The following KIAA1549L variants were observed in gnomAD, a reference collection of about 807,000 sequenced individuals.
KIAA1549L encodes KIAA1549 like, also known as UPF0606 protein KIAA1549L.
KIAA1549L carries 88 observed loss-of-function variants against 160.7 expected under a neutral mutation model. The observed-to-expected ratio is 0.55, with a 90% confidence interval of 0.46 to 0.65. The LOEUF is 0.65. KIAA1549L is among the 30% of genes least tolerant of loss of function. The pLI is 0.00. For synonymous variants in KIAA1549L, 950 were observed against 976.7 expected (o/e 0.97, Z 0.51); for missense variants, 2,258 against 2,437.5 (o/e 0.93, Z 1.55).
rs765773186 is a variant in KIAA1549L at position 33,543,378 on chromosome 11, T to A, written c.1815T>A (p.Gly605=). ...GATTTGTCTCTGATTTCAGCACCGG[T>A]AGTGTCTCATCTCCCATCATTACAG... ...VNGFVSDFST[G]SVSSPIITAP... is the part of the protein sequence containing the mutation. The change falls in exon 2 of 21, where the codon GGT becomes GGA. Residue 605 remains glycine, a synonymous_variant. Coordinates refer to ENST00000658780, the MANE Select transcript of KIAA1549L (RefSeq NM_012194.3). 2 of 1,613,934 alleles carry A rather than the reference T, an allele frequency of 1.2e-6. No individual in the cohort carries two copies. Among genetic ancestry groups the A allele is most frequent in the African/African-American group, 2.7e-5 (2 of 74,944 alleles).
chr11:33,388,132 A>T (rs575715157), intron 1 of KIAA1549L, among the ~76,000 whole-genome samples: 2 of 152,318 alleles, frequency 1.3e-5, no homozygotes, highest in South Asian at 2.1e-4. Flanking sequence ...ACTATAAAGA[A>T]CTGCCCGAGA....
At position 33,504,369 on chromosome 11, in the gene KIAA1549L, T is replaced by G. The variant is rs2133093127; in HGVS notation, c.239-37433T>G. Among the ~76,000 whole-genome samples, 4 of 152,332 alleles carry G rather than the reference T, an allele frequency of 2.6e-5. No homozygotes were observed. The Middle Eastern group carries it at 0.01, about 389-fold the overall frequency. ...GCCTACTGTGGACAGAGTAAATCAC[T>G]TTTACATGCATTATTTTATTTAATT... On this transcript the variant is annotated intron_variant, in intron 1 of 20. Transcript: ENST00000658780.
chr11:33,455,884 G>A (rs1454133928), intron 1 of KIAA1549L, among the ~76,000 whole-genome samples: 1 of 152,140 alleles, frequency 6.6e-6, no homozygotes, highest in Non-Finnish European at 1.5e-5. Flanking sequence ...AGCTTTTAGG[G>A]AGCAAAAATG....
In KIAA1549L at chr11:33,499,084, A is replaced by G. The variant is rs564158413; in HGVS notation, c.239-42718A>G. On this transcript the variant is annotated intron_variant, in intron 1 of 20. Transcript: ENST00000658780. ...TGAACCATTGCACTGAACAATTAGA[A>G]TACAAATCCCACTTGACATTCTGCT... Among the ~76,000 whole-genome samples the G allele has an allele frequency of 2.0e-5, 3 of 152,304 alleles. No homozygotes were observed. In the East Asian group the frequency reaches 5.8e-4, roughly 29 times the overall value.
In KIAA1549L at chr11:33,567,245, C is replaced by T. The variant is rs756097194; in HGVS notation, c.4079-831C>T. On this transcript the variant is annotated intron_variant, in intron 8 of 20. Coordinates refer to ENST00000658780, the MANE Select transcript of KIAA1549L (RefSeq NM_012194.3). ...GGTGTTCCCTTTACCTTCCTCACAG[C>T]AGGCAGTGTTCTAAGCTGCTTTACA... Among the ~76,000 whole-genome samples the T allele has an allele frequency of 4.2e-4, 64 of 152,214 alleles. 1 individual carries two copies. Among genetic ancestry groups the T allele is most frequent in the Non-Finnish European group, 7.1e-4 (48 of 68,036 alleles).
intron 16 of KIAA1549L, among the ~76,000 whole-genome samples, chr11:33,622,284 T>C (rs1220747457): frequency 6.6e-6 from 1 of 152,144 alleles, no homozygotes; most frequent in Non-Finnish European, 1.5e-5. Flanking sequence ...AAAAAATGAC[T>C]ATTAGGAATT....
At position 33,628,821 on chromosome 11, in the gene KIAA1549L, T is replaced by C. The variant is rs1851191888; in HGVS notation, c.5409+10159T>C. Among the ~76,000 whole-genome samples, 3 of 152,158 alleles carry C rather than the reference T, an allele frequency of 2.0e-5. No individual in the cohort carries two copies. The South Asian group carries it at 6.2e-4, about 32-fold the overall frequency. On this transcript the variant is annotated intron_variant, in intron 16 of 20. Transcript: ENST00000658780. ...ATATTGTTATGTGTGAATTTGATCC[T>C]GTCATTATGATGTTAGTTGGTTATT...
At chr11:33,420,097 T>C (rs561871578) in intron 1 of KIAA1549L, among the ~76,000 whole-genome samples, 1 of 152,294 alleles carries the variant, frequency 6.6e-6, no homozygotes, top group Admixed American at 6.5e-5. Flanking sequence ...CATCTGACAC[T>C]ATTTGTGGTA....
chr11:33,488,660 C>G (rs1161597819), intron 1 of KIAA1549L, among the ~76,000 whole-genome samples: 1 of 152,188 alleles, frequency 6.6e-6, no homozygotes, highest in African/African-American at 2.4e-5. Context: ...ACTAAGATTA[C>G]TAACCAGGAA....
chr11:33,587,875 G>A (rs1327604603), intron 11 of KIAA1549L, among the ~76,000 whole-genome samples: 3 of 152,194 alleles, frequency 2.0e-5, no homozygotes, highest in Non-Finnish European at 4.4e-5. Flanking sequence ...AGACAGGCCA[G>A]GAGTGTTGCA....
rs558357620 is a variant in KIAA1549L at position 33,568,370 on chromosome 11, A to AGGTTTTG, written c.4230+146_4230+152dup. 1.4e-3 allele frequency: 1,007 copies of AGGTTTTG among 720,644 alleles called. 32 individuals carry two copies. In the South Asian group the frequency reaches 0.023, roughly 17 times the overall value. 44.6% of individuals were successfully genotyped at this position (720,644 alleles called of 1,614,324 possible). On this transcript the variant is annotated intron_variant, in intron 9 of 20. Coordinates refer to ENST00000658780, the MANE Select transcript of KIAA1549L (RefSeq NM_012194.3). ...AAGCCATTTTATCAAGGCTGCTCTT[A>AGGTTTTG]GGTTTTGGGAACTGACGGTCATAAC... is the stretch of plus-strand genomic sequence containing the variant.
chr11:33,553,218 T>C (rs565782266), intron 6 of KIAA1549L, among the ~76,000 whole-genome samples: 2 of 152,274 alleles, frequency 1.3e-5, no homozygotes, highest in South Asian at 4.1e-4. Context: ...TAAGCTGGTC[T>C]CTAACTCCTG....
At chr11:33,576,004 C>T (rs1855435866) in intron 10 of KIAA1549L, among the ~76,000 whole-genome samples, 1 of 151,972 alleles carries the variant, frequency 6.6e-6, no homozygotes, top group African/African-American at 2.4e-5. Context: ...CAGGAAGTGG[C>T]AGGACTGGTG....
intron 1 of KIAA1549L, among the ~76,000 whole-genome samples, chr11:33,508,708 A>G (rs1427416611): frequency 6.6e-6 from 1 of 152,168 alleles, no homozygotes; most frequent in Non-Finnish European, 1.5e-5. Context: ...CAGTTGCATG[A>G]GAAGTAGGTA....
chr11:33,452,782 C>T (rs77938698), intron 1 of KIAA1549L, among the ~76,000 whole-genome samples: 7,121 of 152,192 alleles, frequency 0.047, 241 homozygotes, highest in Non-Finnish European at 0.07. Context: ...GAGGGTCCCT[C>T]GCCCCTGTGT....
intron 1 of KIAA1549L, among the ~76,000 whole-genome samples, chr11:33,378,531 G>A (rs1025424684): frequency 6.6e-6 from 1 of 152,138 alleles, no homozygotes; most frequent in Non-Finnish European, 1.5e-5. Flanking sequence ...ATGGGGATAC[G>A]GGGCTGGGAA....
chr11:33,522,797 AC>A (rs776233777), intron 1 of KIAA1549L, among the ~76,000 whole-genome samples: 1 of 151,940 alleles, frequency 6.6e-6, no homozygotes, highest in African/African-American at 2.4e-5. Context: ...TACCTGGGAG[AC>A]TGAGGCAGGA....
intron 1 of KIAA1549L, among the ~76,000 whole-genome samples, chr11:33,473,536 A>G (rs1340589729): frequency 6.6e-6 from 1 of 152,182 alleles, no homozygotes; most frequent in Admixed American, 6.5e-5. Flanking sequence ...AATTATAGTT[A>G]CCTTCTCAAA....
At chr11:33,511,358 C>T (rs1461599300) in intron 1 of KIAA1549L, among the ~76,000 whole-genome samples, 4 of 152,114 alleles carry the variant, frequency 2.6e-5, no homozygotes, top group African/African-American at 9.7e-5. Flanking sequence ...GGAAGTGTGA[C>T]CAATGCATGG....
Sources: allele counts gnomAD v4.1 joint callset (sites outside exome capture counted in the v4.1 genomes callset), GRCh38; gene constraint gnomAD v4.1.1; transcripts MANE v1.5; gene names NCBI Gene and HGNC (gene_info 2026-07-23, HGNC 2026-07-21).